The following NEB variants were observed in gnomAD, a reference collection of about 807,000 sequenced individuals.
NEB encodes the protein nemaline myopathy type 2.
In NEB, 512 loss-of-function variants were observed where a neutral mutation model predicts 952.2. The observed-to-expected ratio is 0.54, with a 90% confidence interval of 0.50 to 0.58. The LOEUF is 0.58. Ranked by LOEUF, NEB falls within the 20% of genes least tolerant of loss-of-function variation. NEB has a pLI of 0.00. For missense variants in NEB, 8,428 were observed against 9,231.1 expected (o/e 0.91, Z 3.56); for synonymous variants, 2,900 against 3,149.8 (o/e 0.92, Z 2.66).
intron 3 of NEB, among the ~76,000 whole-genome samples, chr2:151,730,615 T>TAAAA (rs1559717111): frequency 1.4e-5 from 1 of 73,550 alleles, no homozygotes; most frequent in Non-Finnish European, 3.1e-5. Context: ...CATTTCTTAG[T>TAAAA]GAAAAAAAAA....
chr2:151,573,416 G>A (rs749362320), intron 107 of NEB, among the ~76,000 whole-genome samples: 1 of 152,212 alleles, frequency 6.6e-6, no homozygotes, highest in Non-Finnish European at 1.5e-5. Flanking sequence ...TATGGATTGA[G>A]TGGGAAGAGG....
At position 151,687,628 on chromosome 2, in the gene NEB, C is replaced by T. The variant is rs377599060; in HGVS notation, c.2521G>A (p.Asp841Asn). The T allele has an allele frequency of 7.4e-6, 12 of 1,612,996 alleles. No homozygotes were observed. Among genetic ancestry groups the T allele is most frequent in the African/African-American group, 5.3e-5 (4 of 74,910 alleles). ...AAKANTKNTS[D>N]VMYKKDYEKS... ...CCAGGTCCCCAGGCCACACTCACAT[C>T]GCTGGTGTTCTTGGTGTTGGCTTTG... The change falls in exon 26 of 182, where the codon GAT becomes AAT. Residue 841 changes from aspartate to asparagine, a missense_variant and splice_region_variant. By Grantham distance (23) the Asp-to-Asn change is conservative. Coordinates refer to ENST00000397345, the MANE Select transcript of NEB (RefSeq NM_001164508.2).
rs186119200 is a variant in NEB, at chr2:151,507,951, C to T, written c.23451+54G>A. 7.6e-6 allele frequency: 10 copies of T among 1,311,650 alleles called. No individual in the cohort carries two copies. In the African/African-American group the frequency reaches 1.5e-4, roughly 19 times the overall value. The allele number at this position is 1,311,650 out of a possible 1,614,324, so 81.3% of individuals were successfully genotyped here. On this transcript the variant is annotated intron_variant, in intron 162 of 181. Transcript: ENST00000397345. The stretch of plus-strand genomic sequence containing the variant: ...AGCCTGGGATATCCAGAGGCATCTT[C>T]CTCAGCACCCCTAGGTGCCTGTGGG...
chr2:151,546,557 C>A, intron 133 of NEB, 114 bp from the exon 134 acceptor site: 1 of 352,026 alleles, frequency 2.8e-6, no homozygotes, highest in Non-Finnish European at 5.0e-6. Flanking sequence ...GGTTCATCTA[C>A]TTTTTTTTTT....
chr2:151,668,278 T>C (rs1490830296), intron 39 of NEB, among the ~76,000 whole-genome samples: 1 of 152,154 alleles, frequency 6.6e-6, no homozygotes, highest in Non-Finnish European at 1.5e-5. Flanking sequence ...TTTCTTGTAA[T>C]GAAGCATTTC....
intron 71 of NEB, among the ~76,000 whole-genome samples, chr2:151,623,505 G>A (rs920098218): frequency 2.2e-4 from 33 of 152,116 alleles, no homozygotes; most frequent in Non-Finnish European, 3.2e-4. Context: ...TAAGGATACC[G>A]GACTAGTATC....
chr2:151,640,669 A>C lies in NEB; in HGVS notation c.8374-3T>G. ...CGATAGCCTTCTTTGTACTTGAACT[A>C]AAAGAAGAAAAAGACAGATAGTCAT... On this transcript the variant is annotated splice_polypyrimidine_tract_variant and splice_region_variant and intron_variant, in intron 60 of 181. Transcript: ENST00000397345. 6.2e-7 allele frequency: 1 copy of C among 1,604,682 alleles called. No homozygotes were observed. Among genetic ancestry groups the C allele is most frequent in the Non-Finnish European group, 8.5e-7 (1 of 1,173,392 alleles).
intron 5 of NEB, among the ~76,000 whole-genome samples, chr2:151,726,403 GCTATCA>G (rs1336036863): frequency 6.6e-6 from 1 of 152,178 alleles, no homozygotes; most frequent in African/African-American, 2.4e-5. Flanking sequence ...ACAGTGAGCT[GCTATCA>G]TTTAATGAAA....
chr2:151,535,878 T>C (rs2093078759), intron 141 of NEB, 83 bp from the exon 142 acceptor site: 1 of 721,642 alleles, frequency 1.4e-6, no homozygotes, highest in Non-Finnish European at 2.3e-6. Flanking sequence ...TATGATATAA[T>C]TGTGATAATT....
intron 13 of NEB, among the ~76,000 whole-genome samples, chr2:151,701,301 A>G (rs2099665479): frequency 6.6e-6 from 1 of 151,896 alleles, no homozygotes; most frequent in South Asian, 2.1e-4. Flanking sequence ...ATCAATATTC[A>G]TCAAGGATAT....
Position 151,633,873 on chromosome 2 carries a change from G to A in NEB, c.9195C>T (p.His3065=), listed in dbSNP as rs374734631. 3.8e-5 allele frequency: 61 copies of A among 1,613,854 alleles called. No individual in the cohort carries two copies. The highest frequency in any genetic ancestry group is 2.7e-4 in the African/African-American group (20 of 74,908). Residue 3065 remains histidine, a synonymous_variant, in exon 65 of 182, where the codon CAC becomes CAT. Transcript: ENST00000397345. ...EDDPKMMWSM[H]VAKIQSDREY... Reference sequence around the variant, plus strand: ...CCCTGTCACTCTGGATCTTGGCTACGTGCATGGACCACATCATCTTGGGGT... The same window carrying A: ...CCCTGTCACTCTGGATCTTGGCTACATGCATGGACCACATCATCTTGGGGT...
intron 3 of NEB, among the ~76,000 whole-genome samples, chr2:151,732,852 C>T (rs544053490): frequency 4.6e-5 from 7 of 152,172 alleles, no homozygotes; most frequent in South Asian, 4.1e-4. Flanking sequence ...TTTTAGAAGA[C>T]GAATTAAAAC....
rs2098404881 is a variant in NEB, at chr2:151,621,030, A to G, written c.10453-4T>C. 6.3e-7 allele frequency: 1 copy of G among 1,594,360 alleles called. No homozygotes were observed. Among genetic ancestry groups the G allele is most frequent in the African/African-American group, 1.3e-5 (1 of 74,654 alleles). On this transcript the variant is annotated splice_polypyrimidine_tract_variant and splice_region_variant and intron_variant, in intron 71 of 181. Coordinates refer to ENST00000397345, the MANE Select transcript of NEB (RefSeq NM_001164508.2). The stretch of plus-strand genomic sequence containing the variant: ...CCATGGCCTGACGATAGAGGCTCTG[A>G]GGAAAGAAGGAGTAGCTTTTAAATA...
intron 141 of NEB, 58 bp downstream of exon 141, chr2:151,537,074 T>G (rs1179362208): frequency 6.6e-6 from 7 of 1,063,128 alleles, no homozygotes; most frequent in Non-Finnish European, 1.0e-5. Flanking sequence ...GTGCTAATTC[T>G]CTCTGGGTAC....
intron 54 of NEB, among the ~76,000 whole-genome samples, chr2:151,649,347 ATATAT>A (rs2099003129): frequency 6.6e-6 from 1 of 152,180 alleles, no homozygotes; most frequent in South Asian, 2.1e-4. Context: ...TTATGGGCTT[ATATAT>A]TATATAAAAC....
At chr2:151,628,465 T>G (rs192680024) in intron 68 of NEB, among the ~76,000 whole-genome samples, 31 of 152,302 alleles carry the variant, frequency 2.0e-4, no homozygotes, top group Admixed American at 7.8e-4. Context: ...CATTTTGTTG[T>G]TGGTGGTGGT....
At chr2:151,539,745 A>G (rs747656491) in intron 138 of NEB, among the ~76,000 whole-genome samples, 3 of 152,222 alleles carry the variant, frequency 2.0e-5, no homozygotes, top group Non-Finnish European at 4.4e-5. Context: ...ATTGTGTGAT[A>G]TGGAAAATGA....
chr2:151,654,411 C>T (rs573036698), intron 51 of NEB, among the ~76,000 whole-genome samples: 88 of 152,198 alleles, frequency 5.8e-4, no homozygotes, highest in African/African-American at 2.0e-3. Context: ...TGTTTAATAC[C>T]GCCTGGGCTT....
intron 52 of NEB, among the ~76,000 whole-genome samples, chr2:151,652,644 A>T (rs1468339620): frequency 6.6e-6 from 1 of 152,198 alleles, no homozygotes; most frequent in Non-Finnish European, 1.5e-5. Flanking sequence ...AAATTCTATG[A>T]TTCTAATTCA....
Sources: gnomAD v4.1 joint callset for allele counts (sites outside exome capture counted in the v4.1 genomes callset) on GRCh38, gnomAD v4.1.1 for gene constraint, MANE v1.5 for transcripts, NCBI Gene and HGNC (gene_info 2026-07-23, HGNC 2026-07-21) for gene names.